C1orf216: variants seen among roughly 807,000 people sequenced by gnomAD.
The protein encoded by C1orf216 is chromosome 1 open reading frame 216.
In C1orf216, 18 loss-of-function variants were observed where a neutral mutation model predicts 16.4. The observed-to-expected ratio is 1.10, with a 90% CI of 0.76 to 1.63. The LOEUF is 1.63. Among genes scored for constraint, C1orf216 ranks in the 40% most tolerant of loss-of-function variants. C1orf216 has a pLI of 0.00. For missense variants in C1orf216, 271 were observed against 297.6 expected (o/e 0.91, Z 0.66); for synonymous variants, 115 against 116.9 (o/e 0.98, Z 0.11).
At chr1:35,717,733 C>A (rs975317287) in intron 1 of C1orf216, among the ~76,000 whole-genome samples, 4 of 152,144 alleles carry the variant, frequency 2.6e-5, no homozygotes, top group Admixed American at 2.0e-4. Context: ...TGGTAATGAT[C>A]TTGTAATAGC....
Position 35,715,491 on chromosome 1 carries a change from T to C in C1orf216, c.*141A>G. On this transcript the variant is annotated 3_prime_UTR_variant, in exon 2 of 2. Transcript: ENST00000270815. The surrounding 1 kb of genome is among the most constrained non-coding windows in gnomAD (Gnocchi z 4.3). ...TTATACATGCTTATTCACACATGCC[T>C]ACACACACCAGCCTACATGTTAGCA... 1.0e-6 allele frequency: 1 copy of C among 954,294 alleles called. No homozygotes were observed. Among genetic ancestry groups the C allele is most frequent in the Non-Finnish European group, 1.5e-6 (1 of 650,184 alleles). The allele number at this position is 954,294 out of a possible 1,614,324, so 59.1% of individuals were successfully genotyped here. A position where few individuals can be genotyped will look rare whatever the true frequency, so the allele number is the denominator to read the frequency against.
At chr1:35,716,430 C>T in intron 1 of C1orf216, 104 bp from the exon 2 acceptor site, 1 of 975,998 alleles carries the variant, frequency 1.0e-6, no homozygotes, top group Non-Finnish European at 1.5e-6. Context: ...AGAGCCTGGC[C>T]ACTCCCTGTC....
chr1:35,715,395 C>T lies in C1orf216; in HGVS notation c.*237G>A. The T allele has an allele frequency of 1.8e-6, 1 of 567,812 alleles. No homozygotes were observed. Among genetic ancestry groups the T allele is most frequent in the South Asian group, 2.2e-5 (1 of 46,272 alleles). 35.2% of individuals were successfully genotyped at this position (567,812 alleles called of 1,614,324 possible). A position where few individuals can be genotyped will look rare whatever the true frequency, so the allele number is the denominator to read the frequency against. Reference sequence around the variant, plus strand: ...ACACACACACATATGTTCACTCTTACATGCTCACATATAGGTCTGCAGATA... The same window carrying T: ...ACACACACACATATGTTCACTCTTATATGCTCACATATAGGTCTGCAGATA... On this transcript the variant is annotated 3_prime_UTR_variant, in exon 2 of 2. Transcript: ENST00000270815. This position sits in a 1 kb window ranked among gnomAD's most constrained non-coding sequence, Gnocchi z 4.3.
Position 35,715,519 on chromosome 1 carries a change from TACAC to T in C1orf216, c.*109_*112del. 1 of 1,207,090 alleles carries T rather than the reference TACAC, an allele frequency of 8.3e-7. No homozygotes were observed. Among genetic ancestry groups the T allele is most frequent in the South Asian group, 1.5e-5 (1 of 65,260 alleles). 74.8% of individuals were successfully genotyped at this position (1,207,090 alleles called of 1,614,324 possible). A position where few individuals can be genotyped will look rare whatever the true frequency, so the allele number is the denominator to read the frequency against. ...ACACACCAGCCTACATGTTAGCACA[TACAC>T]ACTCATGCCTACCTGCAATCATGCC... On this transcript the variant is annotated 3_prime_UTR_variant, in exon 2 of 2. Coordinates refer to ENST00000270815, the MANE Select transcript of C1orf216 (RefSeq NM_152374.2). The surrounding 1 kb of genome is among the most constrained non-coding windows in gnomAD (Gnocchi z 4.3).
chr1:35,716,426 T>C (rs1269099929), intron 1 of C1orf216, 100 bp from the exon 2 acceptor site: 4 of 1,033,614 alleles, frequency 3.9e-6, no homozygotes, highest in South Asian at 1.7e-5. Flanking sequence ...AGCAAGAGCC[T>C]GGCCACTCCC....
intron 1 of C1orf216, among the ~76,000 whole-genome samples, chr1:35,717,158 T>G (rs1253058010): frequency 6.6e-6 from 1 of 152,132 alleles, no homozygotes; most frequent in Non-Finnish European, 1.5e-5. Context: ...CTGACCATTC[T>G]TCCTCTTCCA....
chr1:35,716,509 T>G (rs1640959784), intron 1 of C1orf216, 183 bp from the exon 2 acceptor site: 1 of 604,888 alleles, frequency 1.7e-6, no homozygotes, highest in African/African-American at 1.8e-5. Context: ...ACCTGTTCAT[T>G]CTCAGTCTCC....
In C1orf216 at chr1:35,715,623, G is replaced by A. The variant is rs1445924166; in HGVS notation, c.*9C>T. 4 of 1,602,168 alleles carry A rather than the reference G, an allele frequency of 2.5e-6. No homozygotes were observed. The highest frequency in any genetic ancestry group is 3.4e-6 in the Non-Finnish European group (4 of 1,172,774). On this transcript the variant is annotated 3_prime_UTR_variant, in exon 2 of 2. Coordinates refer to ENST00000270815, the MANE Select transcript of C1orf216 (RefSeq NM_152374.2). This position sits in a 1 kb window ranked among gnomAD's most constrained non-coding sequence, Gnocchi z 4.3. ...ACATATACCCTTGCACACTTGTGGA[G>A]GCACACCCTTAGGCCTGGTCCTGGG...
At position 35,716,583 on chromosome 1, in the gene C1orf216, A is replaced by G. The variant is rs12032005; in HGVS notation, c.-5-257T>C. 2,747 of 517,758 alleles carry G rather than the reference A, an allele frequency of 5.3e-3. 34 individuals carry two copies. The highest frequency in any genetic ancestry group is 0.033 in the African/African-American group (1,754 of 52,504). 32.1% of individuals were successfully genotyped at this position (517,758 alleles called of 1,614,324 possible). A position where few individuals can be genotyped will look rare whatever the true frequency, so the allele number is the denominator to read the frequency against. ...CTTCTGATTTTGTGCATTTCTCTCC[A>G]GAGGACCTCATTCTCTGCTGTAGCT... is the stretch of plus-strand genomic sequence containing the variant. On this transcript the variant is annotated intron_variant, in intron 1 of 1. Coordinates refer to ENST00000270815, the MANE Select transcript of C1orf216 (RefSeq NM_152374.2).
chr1:35,716,567 T>C, intron 1 of C1orf216: 1 of 546,978 alleles, frequency 1.8e-6, no homozygotes, highest in Non-Finnish European at 3.2e-6. Context: ...TCTTCTGATT[T>C]TGTGCATTTC....
rs369687783 is a variant in C1orf216, at chr1:35,715,814, C to T, written c.508G>A (p.Val170Met). The T allele has an allele frequency of 2.7e-4, 430 of 1,614,128 alleles. 1 individual carries two copies. The highest frequency in any genetic ancestry group is 3.1e-4 in the Non-Finnish European group (369 of 1,180,058). Residue 170 changes from valine (V) to methionine (M), a missense_variant, in exon 2 of 2, where the codon GTG becomes ATG. Val to Met is a conservative substitution (Grantham distance 21). This residue lies in a region of C1orf216 where 220 missense variants were observed against 227.8 expected (regional missense o/e 0.97). Transcript: ENST00000270815. The surrounding 1 kb of genome is among the most constrained non-coding windows in gnomAD (Gnocchi z 4.3). ...AGGCGACGGTACATCACCAAGTGCACGTGGTGCTTTTCCTTCTCCTGCTCT... is the reference window on the plus strand; with the variant it reads ...AGGCGACGGTACATCACCAAGTGCATGTGGTGCTTTTCCTTCTCCTGCTCT... ...YKEQEKEKHHVHLVMYRRLAL... is the reference protein window; with the variant it reads ...YKEQEKEKHHMHLVMYRRLAL...
chr1:35,717,628 G>A (rs891823044), intron 1 of C1orf216, among the ~76,000 whole-genome samples: 4 of 152,256 alleles, frequency 2.6e-5, no homozygotes, highest in East Asian at 3.9e-4. Flanking sequence ...TCCCCACTGC[G>A]CTGGGTATAC....
rs41267255 is a variant in C1orf216, at chr1:35,715,050, C to T, written c.*582G>A. ...AGTGGGACCCAGTGGAGAAGAAAGGCTGGGGTAGGCCATGAGGAACACAAG... is the reference window on the plus strand; with the variant it reads ...AGTGGGACCCAGTGGAGAAGAAAGGTTGGGGTAGGCCATGAGGAACACAAG... On this transcript the variant is annotated 3_prime_UTR_variant, in exon 2 of 2. Transcript: ENST00000270815. This position sits in a 1 kb window ranked among gnomAD's most constrained non-coding sequence, Gnocchi z 4.3. The T allele has an allele frequency of 0.087, 13,411 of 154,128 alleles. 847 individuals are homozygous for T. The highest frequency in any genetic ancestry group is 0.18 in the African/African-American group (7,652 of 41,518). 9.5% of individuals were successfully genotyped at this position (154,128 alleles called of 1,614,324 possible).
chr1:35,716,525 A>G (rs1640959909), intron 1 of C1orf216, 199 bp from the exon 2 acceptor site: 1 of 595,848 alleles, frequency 1.7e-6, no homozygotes, highest in Non-Finnish European at 2.9e-6. Context: ...TCTCCTGCAA[A>G]GGGTTTTTCC....
chr1:35,716,855 GGCAT>G (rs1189152910), intron 1 of C1orf216: 1 of 154,450 alleles, frequency 6.5e-6, no homozygotes, highest in Non-Finnish European at 1.4e-5. Context: ...AAATTAGCCA[GGCAT>G]GGTGACAGGC....
Position 35,715,918 on chromosome 1 carries a change from C to T in C1orf216, c.404G>A (p.Arg135Gln), listed in dbSNP as rs773780669. 2.3e-5 allele frequency: 37 copies of T among 1,614,162 alleles called. No homozygotes were observed. The highest frequency in any genetic ancestry group is 1.8e-4 in the Admixed American group (11 of 60,030). ...SSPEPACGTPRGPGPPDPLLP... is the reference protein window; with the variant it reads ...SSPEPACGTPQGPGPPDPLLP... Reference sequence around the variant, plus strand: ...AAGGGGATCGGGAGGGCCAGGGCCTCGCGGGGTCCCACAGGCAGGCTCAGG... The same window carrying T: ...AAGGGGATCGGGAGGGCCAGGGCCTTGCGGGGTCCCACAGGCAGGCTCAGG... The change falls in exon 2 of 2, where the codon CGA becomes CAA. Residue 135 changes from arginine to glutamine, a missense_variant. Physicochemically the swap from Arg to Gln is conservative, Grantham distance 43 (BLOSUM62 1). Transcript: ENST00000270815. This position sits in a 1 kb window ranked among gnomAD's most constrained non-coding sequence, Gnocchi z 4.3.
In C1orf216 at chr1:35,715,518, A is replaced by G; in HGVS notation, c.*114T>C. 2 of 1,193,752 alleles carry G rather than the reference A, an allele frequency of 1.7e-6. No individual in the cohort carries two copies. Among genetic ancestry groups the G allele is most frequent in the Non-Finnish European group, 2.3e-6 (2 of 858,342 alleles). The allele number at this position is 1,193,752 out of a possible 1,614,324, so 73.9% of individuals were successfully genotyped here. Reference sequence around the variant, plus strand: ...CACACACCAGCCTACATGTTAGCACATACACACTCATGCCTACCTGCAATC... The same window carrying G: ...CACACACCAGCCTACATGTTAGCACGTACACACTCATGCCTACCTGCAATC... On this transcript the variant is annotated 3_prime_UTR_variant, in exon 2 of 2. Transcript: ENST00000270815. The surrounding 1 kb of genome is among the most constrained non-coding windows in gnomAD (Gnocchi z 4.3).
Position 35,715,568 on chromosome 1 carries a change from A to G in C1orf216, c.*64T>C. 3.3e-6 allele frequency: 5 copies of G among 1,506,588 alleles called. No homozygotes were observed. In the South Asian group the frequency reaches 3.9e-5, roughly 12 times the overall value. The allele number at this position is 1,506,588 out of a possible 1,614,324, so 93.3% of individuals were successfully genotyped here. A position where few individuals can be genotyped will look rare whatever the true frequency, so the allele number is the denominator to read the frequency against. On this transcript the variant is annotated 3_prime_UTR_variant, in exon 2 of 2. Coordinates refer to ENST00000270815, the MANE Select transcript of C1orf216 (RefSeq NM_152374.2). The surrounding 1 kb of genome is among the most constrained non-coding windows in gnomAD (Gnocchi z 4.3). ...CATGCCAGCAAATTATGTACTTACT[A>G]GTGCGCCTCACACATGCCTGCAAAT...
intron 1 of C1orf216, 180 bp from the exon 2 acceptor site, chr1:35,716,506 C>A: frequency 1.7e-6 from 1 of 605,900 alleles, no homozygotes; most frequent in Non-Finnish European, 2.9e-6. Context: ...TCTACCTGTT[C>A]ATTCTCAGTC....
Sources: allele counts gnomAD v4.1 joint callset (sites outside exome capture counted in the v4.1 genomes callset), GRCh38; gene constraint gnomAD v4.1.1; regional missense constraint gnomAD v4.1.1; non-coding constraint Gnocchi (gnomAD v3.1); transcripts MANE v1.5; gene names NCBI Gene and HGNC (gene_info 2026-07-23, HGNC 2026-07-21).